Variants in LIPA observed in about 807,000 individuals in gnomAD.
LIPA encodes lipase A, lysosomal acid type, also known as lysosomal acid lipase/cholesteryl ester hydrolase.
LIPA carries 26 observed loss-of-function variants against 40.6 expected under a neutral mutation model. The ratio of observed to expected loss-of-function variants is 0.64; its 90% CI spans 0.47 to 0.89. The LOEUF (loss-of-function observed/expected upper bound fraction) is 0.89, where lower values mean the gene tolerates loss of function less well. Ranked by LOEUF, LIPA falls within the 40% of genes least tolerant of loss-of-function variation. LIPA has a pLI of 0.00. For missense variants in LIPA, 455 were observed against 479.6 expected (o/e 0.95, Z 0.48); for synonymous variants, 188 against 168.4 (o/e 1.12, Z -0.90).
chr10:89,214,560 T>A lies in LIPA; in HGVS notation c.*268A>T, dbSNP rs911086208. 14 of 371,084 alleles carry A rather than the reference T, an allele frequency of 3.8e-5. No homozygotes were observed. In the East Asian group the frequency reaches 7.7e-4, roughly 20 times the overall value. 23.0% of individuals were successfully genotyped at this position (371,084 alleles called of 1,614,324 possible). ...AACAGAATGGATATAATGACCTTTT[T>A]ACACATCAGTGATATTTAAAAGACT... On this transcript the variant is annotated 3_prime_UTR_variant, in exon 10 of 10. Coordinates refer to ENST00000336233, the MANE Select transcript of LIPA (RefSeq NM_000235.4).
rs868367789 is a variant in LIPA at position 89,380,050 on chromosome 10, C to A, written c.61+32741G>T. 5.7e-3 allele frequency among the ~76,000 whole-genome samples: 849 copies of A among 148,470 alleles called. 11 individuals carry two copies. Among genetic ancestry groups the A allele is most frequent in the African/African-American group, 0.018 (715 of 40,176 alleles). ...ACTCCGTCTCAAAAAAAAAAAAAAA[C>A]AAAAGGTATTAGTTGTGTCTGCATC... On this transcript the variant is annotated intron_variant, in intron 2 of 8. Transcript: ENST00000371837.
Position 89,228,216 on chromosome 10 carries a change from C to G in LIPA, c.412G>C (p.Glu138Gln). Residue 138 changes from glutamate to glutamine, a missense_variant, in exon 4 of 10, where the codon GAA becomes CAA. By Grantham distance (29) the Glu-to-Gln change is conservative. Coordinates refer to ENST00000336233, the MANE Select transcript of LIPA (RefSeq NM_000235.4). ...CATATATACCTGAAAGCCCAGAATTCATCCTGAGAAACTGAGAGTGTCTTA... is the reference window on the plus strand; with the variant it reads ...CATATATACCTGAAAGCCCAGAATTGATCCTGAGAAACTGAGAGTGTCTTA... ...KHKTLSVSQD[E>Q]FWAFSYDEMA... The G allele has an allele frequency of 6.2e-7, 1 of 1,613,910 alleles. No homozygotes were observed. Among genetic ancestry groups the G allele is most frequent in the Non-Finnish European group, 8.5e-7 (1 of 1,179,802 alleles).
chr10:89,328,418 T>C (rs1028450721), intron 1 of LIPA, among the ~76,000 whole-genome samples: 1 of 152,230 alleles, frequency 6.6e-6, no homozygotes, highest in Non-Finnish European at 1.5e-5. Context: ...AGCCACAAAC[T>C]TGGCTGATTC....
At chr10:89,292,851 G>A (rs1053756409) in intron 1 of LIPA, among the ~76,000 whole-genome samples, 1 of 150,490 alleles carries the variant, frequency 6.6e-6, no homozygotes, top group Non-Finnish European at 1.5e-5. Flanking sequence ...GTCTTGCTAT[G>A]TTGCCCAGAC....
In LIPA at chr10:89,325,971, T is replaced by A. The variant is rs371901793; in HGVS notation, c.-2+16640A>T. ...GGCAAGGATGTGGAAAAAAGGAAAC[T>A]CTTGTACACTGTTGGTGGGAATGTA... On this transcript the variant is annotated intron_variant, in intron 1 of 5. Transcript: ENST00000282673. Among the ~76,000 whole-genome samples, 17 of 152,268 alleles carry A rather than the reference T, an allele frequency of 1.1e-4. 1 individual carries two copies. In the East Asian group the frequency reaches 2.9e-3, roughly 26 times the overall value.
chr10:89,327,394 T>G (rs1308088809), intron 1 of LIPA, among the ~76,000 whole-genome samples: 1 of 151,928 alleles, frequency 6.6e-6, no homozygotes, highest in Admixed American at 6.6e-5. Context: ...CTACTAAAAA[T>G]ACAAATATTA....
Position 89,247,550 on chromosome 10 carries a change from T to C in LIPA, c.99A>G (p.Thr33=). ...GGKLTAVDPE[T]NMNVSEIISY... is the part of the protein sequence containing the mutation. The stretch of plus-strand genomic sequence containing the variant: ...TTGAGAAACTTACCACATTCATGTT[T>C]GTTTCAGGATCCACAGCTGTCAGTT... The change falls in exon 2 of 10, where the codon ACA becomes ACG. Residue 33 remains threonine (T), a synonymous_variant. Transcript: ENST00000336233. 6.2e-7 allele frequency: 1 copy of C among 1,604,342 alleles called. No individual in the cohort carries two copies. Among genetic ancestry groups the C allele is most frequent in the East Asian group, 2.2e-5 (1 of 44,826 alleles).
intron 1 of LIPA, among the ~76,000 whole-genome samples, chr10:89,281,820 G>T (rs1189040449): frequency 6.6e-6 from 1 of 152,226 alleles, no homozygotes; most frequent in Non-Finnish European, 1.5e-5. Flanking sequence ...CACTATTGGG[G>T]TATGAAATCC....
At chr10:89,366,355 C>T (rs892185949) in intron 2 of LIPA, among the ~76,000 whole-genome samples, 1 of 152,052 alleles carries the variant, frequency 6.6e-6, no homozygotes, top group African/African-American at 2.4e-5. Flanking sequence ...GGGCTGAGAC[C>T]ATGGGGTTTT....
chr10:89,350,803 CAG>C (rs1465139001), intron 2 of LIPA, among the ~76,000 whole-genome samples: 3 of 152,158 alleles, frequency 2.0e-5, no homozygotes, highest in Non-Finnish European at 2.9e-5. Flanking sequence ...GCTAGGGAAA[CAG>C]AGTCTTCACA....
intron 1 of LIPA, among the ~76,000 whole-genome samples, chr10:89,261,858 T>A (rs1242088524): frequency 1.3e-5 from 2 of 152,240 alleles, no homozygotes; most frequent in Non-Finnish European, 2.9e-5. Context: ...GTGCTATTCC[T>A]GAGCTCCCCT....
intron 2 of LIPA, among the ~76,000 whole-genome samples, chr10:89,397,873 T>G (rs1283477902): frequency 6.6e-6 from 1 of 152,216 alleles, no homozygotes. Flanking sequence ...TGGAGTACCT[T>G]TGCCATAAAT....
intron 2 of LIPA, among the ~76,000 whole-genome samples, chr10:89,378,574 G>A (rs1327289177): frequency 1.3e-5 from 2 of 152,182 alleles, no homozygotes; most frequent in Non-Finnish European, 2.9e-5. Context: ...TTAATTCCAT[G>A]ACCTTCACCT....
At chr10:89,285,846 C>A (rs1258824167) in intron 1 of LIPA, among the ~76,000 whole-genome samples, 3 of 151,680 alleles carry the variant, frequency 2.0e-5, no homozygotes, top group Non-Finnish European at 2.9e-5. Context: ...GTGCAAGAAC[C>A]CCCCACCCCT....
Position 89,223,871 on chromosome 10 carries a change from A to C in LIPA, c.676-41T>G, listed in dbSNP as rs751460671. ...AAACCCAAGAACATCTCAGCATTTC[A>C]CTCTGGTGCATAAGTCTCCGTGACT... On this transcript the variant is annotated intron_variant, in intron 6 of 9. Transcript: ENST00000336233. 9.3e-6 allele frequency: 15 copies of C among 1,604,626 alleles called. No homozygotes were observed. In the East Asian group the frequency reaches 3.1e-4, roughly 33 times the overall value.
intron 1 of LIPA, among the ~76,000 whole-genome samples, chr10:89,275,210 G>T (rs7068816): frequency 0.5 from 75,811 of 151,972 alleles, 19,683 homozygotes; most frequent in East Asian, 0.88. Context: ...GTTCAAGCAG[G>T]TGTGTTTGTG....
intron 1 of LIPA, among the ~76,000 whole-genome samples, chr10:89,309,797 G>A (rs949486643): frequency 6.6e-6 from 1 of 152,194 alleles, no homozygotes; most frequent in Non-Finnish European, 1.5e-5. Context: ...CCAGTTTCCT[G>A]AAATTTCACT....
At chr10:89,406,857 G>T (rs1482276837) in intron 2 of LIPA, among the ~76,000 whole-genome samples, 2 of 152,148 alleles carry the variant, frequency 1.3e-5, no homozygotes, top group Non-Finnish European at 2.9e-5. Context: ...ACCACGAAGG[G>T]ACTATCGCCT....
At chr10:89,339,607 T>C (rs1843818225) in intron 1 of LIPA, 1 of 1,614,062 alleles carries the variant, frequency 6.2e-7, no homozygotes, top group South Asian at 1.1e-5. Flanking sequence ...TATGGACTAT[T>C]CGAATAAAGC....
Sources: gnomAD v4.1 joint callset for allele counts (sites outside exome capture counted in the v4.1 genomes callset) on GRCh38, gnomAD v4.1.1 for gene constraint, MANE v1.5 for transcripts, NCBI Gene and HGNC (gene_info 2026-07-23, HGNC 2026-07-21) for gene names.